USP36: variants seen among roughly 807,000 people sequenced by gnomAD.
The protein encoded by USP36 is ubiquitin carboxyl-terminal hydrolase 36.
USP36 carries 59 observed loss-of-function variants against 111.5 expected under a neutral mutation model. That is an observed-to-expected ratio of 0.53 (90% confidence interval 0.43 to 0.66). USP36 has a LOEUF of 0.66. Among genes scored for constraint, USP36 ranks in the 30% least tolerant of loss-of-function variants. The probability of loss-of-function intolerance (pLI) is 0.00; values close to 1 mark genes in which losing one functional copy is unlikely to be tolerated. For synonymous variants in USP36, 628 were observed against 581.0 expected (o/e 1.08, Z -1.16); for missense variants, 1,488 against 1,468.0 (o/e 1.01, Z -0.22).
chr17:78,826,993 C>T, intron 6 of USP36: 1 of 644,586 alleles, frequency 1.6e-6, no homozygotes, highest in East Asian at 2.7e-5. Flanking sequence ...GCCGCCACCA[C>T]AGCCACCCGA....
At chr17:78,821,276 G>A (rs549978850) in intron 7 of USP36, 1 of 491,256 alleles carries the variant, frequency 2.0e-6, no homozygotes, top group East Asian at 3.7e-5. Flanking sequence ...GCACTCACAG[G>A]GCCCTCCCTG....
chr17:78,816,700 C>T (rs1214385950), intron 10 of USP36, among the ~76,000 whole-genome samples: 1 of 151,942 alleles, frequency 6.6e-6, no homozygotes, highest in Admixed American at 6.6e-5. Flanking sequence ...TGGTCTTAAA[C>T]TCCCAGTCTC....
rs1343401539 is a variant in USP36 at position 78,795,942 on chromosome 17, A to G, written c.*1958T>C. 2 of 152,200 alleles carry G rather than the reference A, an allele frequency of 1.3e-5. No homozygotes were observed. Among genetic ancestry groups the G allele is most frequent in the Non-Finnish European group, 1.5e-5 (1 of 68,036 alleles). 9.4% of individuals were successfully genotyped at this position (152,200 alleles called of 1,614,324 possible). On this transcript the variant is annotated 3_prime_UTR_variant, in exon 21 of 21. Coordinates refer to ENST00000449938, the MANE Select transcript of USP36 (RefSeq NM_001385174.1). The surrounding 1 kb of genome is among the most constrained non-coding windows in gnomAD (Gnocchi z 4.5). ...GCTTGGGTTATTGACATTTACTTAC[A>G]TACGTGTACAAGACCTAGAGTTTGA...
At chr17:78,836,467 G>C (rs905228800) in intron 2 of USP36, 95 bp from the exon 3 acceptor site, 29 of 1,479,146 alleles carry the variant, frequency 2.0e-5, no homozygotes, top group Non-Finnish European at 2.6e-5. Flanking sequence ...ATGGATGCTA[G>C]CCACCACAAA....
intron 4 of USP36, among the ~76,000 whole-genome samples, chr17:78,834,166 G>C (rs773644722): frequency 1.3e-5 from 2 of 151,408 alleles, no homozygotes; most frequent in Non-Finnish European, 2.9e-5. Context: ...AGAATTGCTT[G>C]CACCCAGGAG....
rs563654703 is a variant in USP36, at chr17:78,826,827, T to A, written c.689+418A>T. ...CTGTTTGTACATATACATGTACATA[T>A]AAATTATACTGCAGAGACCTCATTC... is the stretch of plus-strand genomic sequence containing the variant. On this transcript the variant is annotated intron_variant, in intron 6 of 20. Transcript: ENST00000449938. 20 of 487,794 alleles carry A rather than the reference T, an allele frequency of 4.1e-5. No individual in the cohort carries two copies. In the South Asian group the frequency reaches 5.2e-4, roughly 13 times the overall value. 30.2% of individuals were successfully genotyped at this position (487,794 alleles called of 1,614,324 possible). A position where few individuals can be genotyped will look rare whatever the true frequency, so the allele number is the denominator to read the frequency against.
Position 78,812,859 on chromosome 17 carries a change from C to T in USP36, c.1407+1G>A. 6.2e-7 allele frequency: 1 copy of T among 1,613,206 alleles called. No homozygotes were observed. On this transcript the variant is annotated splice_donor_variant, in intron 13 of 20. Transcript: ENST00000449938. LOFTEE classifies it high-confidence loss of function. ...TTGGCCTCCATCATTCTCACAAATACCTTTCCAGTCAGTGGGGAGGAAATA... is the reference window on the plus strand; with the variant it reads ...TTGGCCTCCATCATTCTCACAAATATCTTTCCAGTCAGTGGGGAGGAAATA...
intron 3 of USP36, 99 bp downstream of exon 3, chr17:78,836,012 C>T (rs2068629839): frequency 2.0e-6 from 3 of 1,516,264 alleles, no homozygotes; most frequent in Non-Finnish European, 2.7e-6. Context: ...TCTTTGACCA[C>T]ATTCTCTTGT....
intron 6 of USP36, among the ~76,000 whole-genome samples, chr17:78,825,038 C>T (rs553738831): frequency 1.3e-5 from 2 of 152,258 alleles, no homozygotes; most frequent in African/African-American, 4.8e-5. Context: ...GAGACAGGCA[C>T]CCACCAGAAT....
rs34078860 is a variant in USP36 at position 78,835,470 on chromosome 17, G to A, written c.285C>T (p.Asp95=). 0.011 allele frequency: 18,118 copies of A among 1,609,704 alleles called. 1,540 individuals are homozygous for A. The African/African-American group carries it at 0.2, about 18-fold the overall frequency. ...GSEHTYESCG[D]GVPAPQKVLF... ...GCACTTTCTGCGGGGCTGGGACTCC[G>A]TCACCACAGCTCTCATACGTGTGCT... Residue 95 remains aspartate, a synonymous_variant, in exon 4 of 21, where the codon GAC becomes GAT. Coordinates refer to ENST00000449938, the MANE Select transcript of USP36 (RefSeq NM_001385174.1).
rs9889908 is a variant in USP36, at chr17:78,803,871, C to T, written c.2324G>A (p.Arg775Gln). 447 of 1,584,244 alleles carry T rather than the reference C, an allele frequency of 2.8e-4. 1 individual carries two copies. The African/African-American group carries it at 4.5e-3, about 16-fold the overall frequency. Residue 775 changes from arginine to glutamine, a missense_variant, in exon 16 of 21, where the codon CGG (arginine) becomes CAG (glutamine). By Grantham distance (43) the Arg-to-Gln change is conservative. Coordinates refer to ENST00000449938, the MANE Select transcript of USP36 (RefSeq NM_001385174.1). The surrounding 1 kb of genome is among the most constrained non-coding windows in gnomAD (Gnocchi z 4.6). ...TPKPPGTSEP[R>Q]SCSSISTALP... is the part of the protein sequence containing the mutation. ...CGCCGTCGAGATGGAGGAGCAGCTC[C>T]GTGGTTCTGACGTCCCTGGGGGCTT...
At position 78,836,168 on chromosome 17, in the gene USP36, T is replaced by C. The variant is rs1190122029; in HGVS notation, c.196A>G (p.Lys66Glu). ...LKSKYVLLNPKTEGASRHKSG... is the reference protein window; with the variant it reads ...LKSKYVLLNPETEGASRHKSG... ...TTGTGGCGACTAGCTCCCTCTGTTTTGGGGTTGAGCAACACATATTTGCTC... is the reference window on the plus strand; with the variant it reads ...TTGTGGCGACTAGCTCCCTCTGTTTCGGGGTTGAGCAACACATATTTGCTC... The change falls in exon 3 of 21, where the codon AAA becomes GAA. Residue 66 changes from lysine (K) to glutamate (E), a missense_variant. Physicochemically the swap from Lys to Glu is moderately conservative, Grantham distance 56 (BLOSUM62 1). Transcript: ENST00000449938. 1.9e-6 allele frequency: 3 copies of C among 1,614,074 alleles called. No individual in the cohort carries two copies. The highest frequency in any genetic ancestry group is 2.5e-6 in the Non-Finnish European group (3 of 1,180,040).
intron 6 of USP36, among the ~76,000 whole-genome samples, chr17:78,823,470 G>A (rs1368631357): frequency 2.0e-5 from 3 of 152,176 alleles, no homozygotes; most frequent in Non-Finnish European, 4.4e-5. Context: ...AGGAGGAAAG[G>A]CAAGCTGAGT....
rs149099006 is a variant in USP36, at chr17:78,807,063, T to C, written c.1981A>G (p.Lys661Glu). The C allele has an allele frequency of 3.1e-6, 5 of 1,614,230 alleles. No homozygotes were observed. The South Asian group carries it at 4.4e-5, about 14-fold the overall frequency. The change falls in exon 14 of 21, where the codon AAG becomes GAG. Residue 661 changes from lysine to glutamate, a missense_variant. This residue lies in a region of USP36 where 1,073 missense variants were observed against 994.1 expected (regional missense o/e 1.08). Coordinates refer to ENST00000449938, the MANE Select transcript of USP36 (RefSeq NM_001385174.1). ...SKTPPSGADS[K>E]TVKLKSPVLS... Reference sequence around the variant, plus strand: ...ACAGGGGACTTCAGCTTCACCGTCTTAGAATCTGCTCCACTTGGCGGCGTT... The same window carrying C: ...ACAGGGGACTTCAGCTTCACCGTCTCAGAATCTGCTCCACTTGGCGGCGTT...
At chr17:78,822,935 C>A (rs535201902) in intron 6 of USP36, among the ~76,000 whole-genome samples, 2 of 152,278 alleles carry the variant, frequency 1.3e-5, no homozygotes, top group African/African-American at 4.8e-5. Context: ...CCCAGGCTCT[C>A]CAGCCCCGTC....
At chr17:78,813,709 GC>G in intron 12 of USP36, 63 bp downstream of exon 12, 2 of 1,459,062 alleles carry the variant, frequency 1.4e-6, no homozygotes, top group Non-Finnish European at 1.9e-6. Flanking sequence ...GGTTAGGGAG[GC>G]CCACCGGTAT....
rs764910341 is a variant in USP36 at position 78,799,647 on chromosome 17, T to C, written c.3124+20A>G. ...CCAACCAATGAAAGGCAAACAGAAGTCCTGTCTCCAAATCAGTACCTTTTC... is the reference window on the plus strand; with the variant it reads ...CCAACCAATGAAAGGCAAACAGAAGCCCTGTCTCCAAATCAGTACCTTTTC... On this transcript the variant is annotated intron_variant, in intron 18 of 20. Coordinates refer to ENST00000449938, the MANE Select transcript of USP36 (RefSeq NM_001385174.1). The C allele has an allele frequency of 5.6e-6, 9 of 1,609,220 alleles. No individual in the cohort carries two copies. The highest frequency in any genetic ancestry group is 1.7e-4 in the Middle Eastern group (1 of 6,046).
At chr17:78,839,456 C>A (rs1224207803) in intron 1 of USP36, among the ~76,000 whole-genome samples, 1 of 152,152 alleles carries the variant, frequency 6.6e-6, no homozygotes, top group Non-Finnish European at 1.5e-5. Flanking sequence ...GTGAAGACAT[C>A]CAGTCGTATT....
chr17:78,804,147 C>A (rs1300106381), intron 15 of USP36, among the ~76,000 whole-genome samples, 169 bp from the exon 16 acceptor site: 1 of 152,158 alleles, frequency 6.6e-6, no homozygotes, highest in African/African-American at 2.4e-5. Context: ...AGAAAGCTAA[C>A]AATTAATTCA....
Sources: allele counts gnomAD v4.1 joint callset (sites outside exome capture counted in the v4.1 genomes callset), GRCh38; gene constraint gnomAD v4.1.1; regional missense constraint gnomAD v4.1.1; non-coding constraint Gnocchi (gnomAD v3.1); transcripts MANE v1.5; gene names NCBI Gene and HGNC (gene_info 2026-07-23, HGNC 2026-07-21).